The following PALLD variants were observed in gnomAD, a reference collection of about 807,000 sequenced individuals.
PALLD encodes the protein palladin.
A neutral mutation model predicts 123.5 loss-of-function variants in PALLD; 61 were observed. The observed-to-expected ratio is 0.49, with a 90% CI of 0.40 to 0.61. PALLD has a LOEUF of 0.61. Ranked by LOEUF, PALLD falls within the 20% of genes least tolerant of loss-of-function variation. The pLI is 0.00. For missense variants in PALLD, 1,273 were observed against 1,377.0 expected, an observed-to-expected ratio of 0.92 and a Z score of 1.20; for synonymous variants, 465 against 496.4, an observed-to-expected ratio of 0.94 and a Z score of 0.84.
At position 168,725,420 on chromosome 4, in the gene PALLD, C is replaced by A. The variant is rs571517422; in HGVS notation, c.1964+13497C>A. On this transcript the variant is annotated intron_variant, in intron 10 of 21. Coordinates refer to ENST00000505667, the MANE Select transcript of PALLD (RefSeq NM_001166108.2). ...ATACCATCTGGTTTCGGGGATGTAT[C>A]ATTATGCTCAATGTTTGAAACAAAA... 2.7e-5 allele frequency among the ~76,000 whole-genome samples: 4 copies of A among 150,810 alleles called. No homozygotes were observed. The South Asian group carries it at 8.4e-4, about 32-fold the overall frequency.
chr4:168,828,675 C>T (rs1180641469), intron 10 of PALLD, among the ~76,000 whole-genome samples: 1 of 152,246 alleles, frequency 6.6e-6, no homozygotes, highest in Non-Finnish European at 1.5e-5. Context: ...TTGAAGGTTA[C>T]TTTCACCCTT....
intron 10 of PALLD, among the ~76,000 whole-genome samples, chr4:168,772,481 A>G (rs1734587655): frequency 6.6e-6 from 1 of 152,248 alleles, no homozygotes; most frequent in Non-Finnish European, 1.5e-5. Context: ...GATGATGCCC[A>G]AAACTTAAAT....
At chr4:168,732,659 G>A (rs1416220255) in intron 10 of PALLD, among the ~76,000 whole-genome samples, 1 of 152,158 alleles carries the variant, frequency 6.6e-6, no homozygotes, top group Non-Finnish European at 1.5e-5. Flanking sequence ...TGACCTCAAA[G>A]TGAATTTCTT....
At chr4:168,612,039 A>G (rs550772711) in intron 2 of PALLD, among the ~76,000 whole-genome samples, 14 of 152,300 alleles carry the variant, frequency 9.2e-5, no homozygotes, top group African/African-American at 3.4e-4. Context: ...ACATGCCTAT[A>G]GTCCCAGCTA....
rs571583688 is a variant in PALLD at position 168,693,593 on chromosome 4, C to G, written c.1501+2301C>G. Among the ~76,000 whole-genome samples, 10 of 152,260 alleles carry G rather than the reference C, an allele frequency of 6.6e-5. No homozygotes were observed. The East Asian group carries it at 1.9e-3, about 29-fold the overall frequency. On this transcript the variant is annotated intron_variant, in intron 8 of 21. Transcript: ENST00000505667. ...TTAGATCTGAAAGCGTTTAAGAAAACAGATTCCTTCATTCCAACTACAATA... is the reference window on the plus strand; with the variant it reads ...TTAGATCTGAAAGCGTTTAAGAAAAGAGATTCCTTCATTCCAACTACAATA...
At chr4:168,904,489 T>C (rs1553973599) in intron 15 of PALLD, among the ~76,000 whole-genome samples, 1 of 152,224 alleles carries the variant, frequency 6.6e-6, no homozygotes, top group Non-Finnish European at 1.5e-5. Context: ...AATAGGAGGC[T>C]GCTGGGTATC....
intron 10 of PALLD, among the ~76,000 whole-genome samples, chr4:168,718,989 C>T (rs545646774): frequency 6.7e-6 from 1 of 150,132 alleles, no homozygotes; most frequent in South Asian, 2.1e-4. Flanking sequence ...TTCTCTGCAA[C>T]CTCCGCCTCC....
chr4:168,761,806 C>T (rs533341374), intron 10 of PALLD, among the ~76,000 whole-genome samples: 9 of 151,742 alleles, frequency 5.9e-5, no homozygotes, highest in South Asian at 4.2e-4. Flanking sequence ...CCACCGTGCC[C>T]GGCAGGAAAT....
intron 2 of PALLD, among the ~76,000 whole-genome samples, chr4:168,610,324 C>T (rs1773607550): frequency 6.6e-6 from 1 of 152,282 alleles, no homozygotes; most frequent in African/African-American, 2.4e-5. Context: ...AAGCCAGGGC[C>T]TCCATCGGTC....
chr4:168,705,802 A>G (rs1784166973), intron 8 of PALLD, among the ~76,000 whole-genome samples: 1 of 151,784 alleles, frequency 6.6e-6, no homozygotes, highest in African/African-American at 2.4e-5. Flanking sequence ...ATGCCTGGCT[A>G]ATTTTTTTGT....
intron 17 of PALLD, among the ~76,000 whole-genome samples, chr4:168,918,660 T>A (rs1179734842): frequency 6.6e-6 from 1 of 152,154 alleles, no homozygotes; most frequent in Non-Finnish European, 1.5e-5. Context: ...ACTTGAAAAT[T>A]GCTAAGAGTA....
In PALLD at chr4:168,816,415, T is replaced by TATATATATATA. The variant is rs35097396; in HGVS notation, c.1965-74507_1965-74506insATATATATATA. Among the ~76,000 whole-genome samples, 551 of 136,046 alleles carry TATATATATATA rather than the reference T, an allele frequency of 4.1e-3. 2 individuals are homozygous for TATATATATATA. The highest frequency in any genetic ancestry group is 0.01 in the African/African-American group (393 of 37,508). The allele number at this position is 136,046 out of a possible 152,430, so 89.3% of individuals were successfully genotyped here. Reference sequence around the variant, plus strand: ...TATATATATATATATATATATATATTTTTTTTAAGTATTAGATTGGAGTGC... The same window carrying TATATATATATA: ...TATATATATATATATATATATATATTATATATATATATTTTTTAAGTATTAGATTGGAGTGC... On this transcript the variant is annotated intron_variant, in intron 10 of 21. Transcript: ENST00000505667.
At chr4:168,817,612 T>A (rs2150775923) in intron 10 of PALLD, among the ~76,000 whole-genome samples, 1 of 152,344 alleles carries the variant, frequency 6.6e-6, no homozygotes, top group South Asian at 2.1e-4. Flanking sequence ...ATCCTATGGA[T>A]AAATGCTGCT....
In PALLD at chr4:168,877,696, A is replaced by C. The variant is rs116501011; in HGVS notation, c.1965-13226A>C. ...ACGTTCCTGGCCGTTCCATCTCTGA[A>C]GGTGTCACTTCTCTTTTTCCCCCCA... On this transcript the variant is annotated intron_variant, in intron 10 of 21. Coordinates refer to ENST00000505667, the MANE Select transcript of PALLD (RefSeq NM_001166108.2). 2,006 of 1,092,842 alleles carry C rather than the reference A, an allele frequency of 1.8e-3. 8 individuals carry two copies. The highest frequency in any genetic ancestry group is 0.017 in the African/African-American group (1,033 of 60,176). 67.7% of individuals were successfully genotyped at this position (1,092,842 alleles called of 1,614,324 possible). A position where few individuals can be genotyped will look rare whatever the true frequency, so the allele number is the denominator to read the frequency against.
At chr4:168,849,301 G>A (rs1747388419) in intron 10 of PALLD, among the ~76,000 whole-genome samples, 1 of 152,198 alleles carries the variant, frequency 6.6e-6, no homozygotes, top group Non-Finnish European at 1.5e-5. Flanking sequence ...TCAGGGTTAT[G>A]TTGTTTGGAT....
chr4:168,924,337 A>G lies in PALLD; in HGVS notation c.3141A>G (p.Glu1047=). 1 of 1,613,930 alleles carries G rather than the reference A, an allele frequency of 6.2e-7. No homozygotes were observed. The highest frequency in any genetic ancestry group is 1.6e-4 in the Middle Eastern group (1 of 6,062). Reference sequence around the variant, plus strand: ...CTGATGGGTACCCAGTGCGGCTGGAATGTCGTGTATTGGGAGTGCCACCAC... The same window carrying G: ...CTGATGGGTACCCAGTGCGGCTGGAGTGTCGTGTATTGGGAGTGCCACCAC... ...GVADGYPVRL[E]CRVLGVPPPQ... is the part of the protein sequence containing the mutation. The change falls in exon 19 of 22, where the codon GAA becomes GAG. Residue 1047 remains glutamate, a synonymous_variant. Coordinates refer to ENST00000505667, the MANE Select transcript of PALLD (RefSeq NM_001166108.2).
At chr4:168,866,560 A>AC (rs917069879) in intron 10 of PALLD, among the ~76,000 whole-genome samples, 1 of 152,194 alleles carries the variant, frequency 6.6e-6, no homozygotes, top group Non-Finnish European at 1.5e-5. Context: ...TCCTGTTCAC[A>AC]TTTTGGATAT....
In PALLD at chr4:168,511,488, A is replaced by T; in HGVS notation, c.-17A>T. The stretch of plus-strand genomic sequence containing the variant: ...CCTACTGAAAGCAGACACAGAGTGC[A>T]TGAAGACCGTTCAAATATGTCAGGG... On this transcript the variant is annotated 5_prime_UTR_variant, in exon 2 of 22. An upstream start codon of the reference 5' UTR is lost. Coordinates refer to ENST00000505667, the MANE Select transcript of PALLD (RefSeq NM_001166108.2). The T allele has an allele frequency of 6.2e-7, 1 of 1,604,078 alleles. No homozygotes were observed.
intron 3 of PALLD, among the ~76,000 whole-genome samples, chr4:168,671,440 C>A (rs1299678947): frequency 6.6e-6 from 1 of 152,200 alleles, no homozygotes; most frequent in East Asian, 1.9e-4. Context: ...CACTGCTGAA[C>A]TTACTGAGAC....
Sources: allele counts gnomAD v4.1 joint callset (sites outside exome capture counted in the v4.1 genomes callset), GRCh38; gene constraint gnomAD v4.1.1; transcripts MANE v1.5; gene names NCBI Gene and HGNC (gene_info 2026-07-23, HGNC 2026-07-21).